The following RSKR variants were observed in gnomAD, a reference collection of about 807,000 sequenced individuals.
RSKR encodes ribosomal protein S6 kinase related, also known as ribosomal protein S6 kinase-related protein.
A neutral mutation model predicts 56.8 loss-of-function variants in RSKR; 44 were observed. The ratio of observed to expected loss-of-function variants is 0.77; its 90% CI spans 0.61 to 1.00. The LOEUF (loss-of-function observed/expected upper bound fraction) is 1.00, where lower values mean the gene tolerates loss of function less well. Ranked by LOEUF, RSKR falls within the 50% of genes least tolerant of loss-of-function variation. The probability of loss-of-function intolerance (pLI) is 0.00; values close to 1 mark genes in which losing one functional copy is unlikely to be tolerated. For missense variants in RSKR, 510 were observed against 506.9 expected, an observed-to-expected ratio of 1.01 and a Z score of -0.06; for synonymous variants, 181 against 188.0, an observed-to-expected ratio of 0.96 and a Z score of 0.30.
Position 28,613,417 on chromosome 17 carries a change from A to C in RSKR, c.324+23T>G, listed in dbSNP as rs529224194. The C allele has an allele frequency of 2.5e-6, 4 of 1,613,914 alleles. No homozygotes were observed. In the African/African-American group the frequency reaches 5.3e-5, roughly 22 times the overall value. On this transcript the variant is annotated intron_variant, in intron 2 of 11. Coordinates refer to ENST00000301037, the MANE Select transcript of RSKR (RefSeq NM_001174103.2). ...AACTTCTCCCAAAGACTGAGACCCC[A>C]CTCAGGGATTCCACTGACTTACCTT... is the stretch of plus-strand genomic sequence containing the variant.
At position 28,610,430 on chromosome 17, in the gene RSKR, T is replaced by C; in HGVS notation, c.*48A>G. The C allele has an allele frequency of 6.8e-7, 1 of 1,479,510 alleles. No homozygotes were observed. Among genetic ancestry groups the C allele is most frequent in the Non-Finnish European group, 9.1e-7 (1 of 1,096,400 alleles). 91.6% of individuals were successfully genotyped at this position (1,479,510 alleles called of 1,614,324 possible). A position where few individuals can be genotyped will look rare whatever the true frequency, so the allele number is the denominator to read the frequency against. On this transcript the variant is annotated 3_prime_UTR_variant, in exon 12 of 12. Transcript: ENST00000301037. ...GGTGGTCATACTGAGTAGGCAGGGA[T>C]GGAGATCTTCAGGCTCCCAGCCGGG... is the stretch of plus-strand genomic sequence containing the variant.
rs1489214434 is a variant in RSKR, at chr17:28,613,574, G to C, written c.190C>G (p.Leu64Val). 1.2e-6 allele frequency: 2 copies of C among 1,614,220 alleles called. No individual in the cohort carries two copies. The highest frequency in any genetic ancestry group is 4.5e-5 in the East Asian group (2 of 44,882). Reference protein sequence around the residue: ...ELWELRGHHYLHQESLKPAPV... With the variant: ...ELWELRGHHYVHQESLKPAPV... ...GCTGGCTTTAGGGATTCCTGGTGCA[G>C]ATAGTGGTGCCCCCGTAGTTCCCAG... is the stretch of plus-strand genomic sequence containing the variant. Residue 64 changes from leucine (L) to valine (V), a missense_variant, in exon 2 of 12, where the codon CTG (leucine) becomes GTG (valine). By Grantham distance (32) the Leu-to-Val change is conservative. Transcript: ENST00000301037.
In RSKR at chr17:28,608,375, A is replaced by T. The variant is rs2070770393; in HGVS notation, c.*2103T>A. ...AGCAATTAAATTTATTTTTTTCCTG[A>T]GACAAGATCTCACTCTGTTGCTCAG... On this transcript the variant is annotated 3_prime_UTR_variant, in exon 12 of 12. Coordinates refer to ENST00000301037, the MANE Select transcript of RSKR (RefSeq NM_001174103.2). The T allele has an allele frequency of 6.6e-6, 1 of 152,162 alleles. No homozygotes were observed. Among genetic ancestry groups the T allele is most frequent in the Non-Finnish European group, 1.5e-5 (1 of 68,018 alleles). 9.4% of individuals were successfully genotyped at this position (152,162 alleles called of 1,614,324 possible).
At chr17:28,612,452 G>A in intron 5 of RSKR, 86 bp from the exon 6 acceptor site, 2 of 1,453,652 alleles carry the variant, frequency 1.4e-6, no homozygotes, top group Non-Finnish European at 1.9e-6. Flanking sequence ...AGGCATTGTA[G>A]GCCTCCTGCC....
Position 28,612,073 on chromosome 17 carries a change from C to T in RSKR, c.664G>A (p.Asp222Asn), listed in dbSNP as rs538176815. Residue 222 changes from aspartate to asparagine, a missense_variant, in exon 7 of 12, where the codon GAC (aspartate) becomes AAC (asparagine). Transcript: ENST00000301037. ...ELVLVLCYLH[D>N]LGIMHRDVKM... ...ACATCTCGATGCATGATGCCCAAGTCATGGAGATAACCTGTGGATAACAAG... is the reference window on the plus strand; with the variant it reads ...ACATCTCGATGCATGATGCCCAAGTTATGGAGATAACCTGTGGATAACAAG... The T allele has an allele frequency of 6.2e-7, 1 of 1,614,204 alleles. No homozygotes were observed. Among genetic ancestry groups the T allele is most frequent in the African/African-American group, 1.3e-5 (1 of 75,072 alleles).
At position 28,610,300 on chromosome 17, in the gene RSKR, A is replaced by G. The variant is rs886705440; in HGVS notation, c.*178T>C. 3.3e-6 allele frequency: 2 copies of G among 612,144 alleles called. No homozygotes were observed. The highest frequency in any genetic ancestry group is 5.7e-6 in the Non-Finnish European group (2 of 349,020). The allele number at this position is 612,144 out of a possible 1,614,324, so 37.9% of individuals were successfully genotyped here. A position where few individuals can be genotyped will look rare whatever the true frequency, so the allele number is the denominator to read the frequency against. On this transcript the variant is annotated 3_prime_UTR_variant, in exon 12 of 12. Coordinates refer to ENST00000301037, the MANE Select transcript of RSKR (RefSeq NM_001174103.2). ...TGTATGATAGGGAAGGAATAGGGCCAGCTGTGGCTGCCAGTAGCAGAATGT... is the reference window on the plus strand; with the variant it reads ...TGTATGATAGGGAAGGAATAGGGCCGGCTGTGGCTGCCAGTAGCAGAATGT...
At position 28,613,424 on chromosome 17, in the gene RSKR, G is replaced by C; in HGVS notation, c.324+16C>G. The C allele has an allele frequency of 6.2e-7, 1 of 1,614,188 alleles. No homozygotes were observed. The highest frequency in any genetic ancestry group is 8.5e-7 in the Non-Finnish European group (1 of 1,180,022). On this transcript the variant is annotated intron_variant, in intron 2 of 11. Coordinates refer to ENST00000301037, the MANE Select transcript of RSKR (RefSeq NM_001174103.2). ...CCCAAAGACTGAGACCCCACTCAGG[G>C]ATTCCACTGACTTACCTTCAGCTGC...
intron 5 of RSKR, 88 bp downstream of exon 5, chr17:28,612,530 C>A: frequency 1.3e-6 from 2 of 1,482,264 alleles, no homozygotes; most frequent in Non-Finnish European, 1.9e-6. Flanking sequence ...GGGGACAGAG[C>A]AAAGGCAGAA....
rs79505837 is a variant in RSKR, at chr17:28,612,022, G to A, written c.693+22C>T. 218 of 1,613,984 alleles carry A rather than the reference G, an allele frequency of 1.4e-4. 2 individuals are homozygous for A. In the East Asian group the frequency reaches 4.8e-3, roughly 35 times the overall value. On this transcript the variant is annotated intron_variant, in intron 7 of 11. Coordinates refer to ENST00000301037, the MANE Select transcript of RSKR (RefSeq NM_001174103.2). ...TATTGAGACTCTTTCTCAGACAAAG[G>A]GAAAAAAGCACTTAACTCTACCTTC... is the stretch of plus-strand genomic sequence containing the variant.
rs1392870701 is a variant in RSKR at position 28,611,184 on chromosome 17, G to A, written c.970C>T (p.Pro324Ser). 2 of 1,536,272 alleles carry A rather than the reference G, an allele frequency of 1.3e-6. No homozygotes were observed. The highest frequency in any genetic ancestry group is 1.7e-6 in the Non-Finnish European group (2 of 1,146,886). Residue 324 changes from proline to serine, a missense_variant, in exon 11 of 12, where the codon CCA (proline) becomes TCA (serine). Coordinates refer to ENST00000301037, the MANE Select transcript of RSKR (RefSeq NM_001174103.2). The stretch of plus-strand genomic sequence containing the variant: ...GAGAGGCCCTGGTTAAGAGAAGCTG[G>A]GATCTCAGAGTCACTGTGGGTCACA... ...ASVTHSDSEI[P>S]ASLNQGLSLL... is the part of the protein sequence containing the mutation.
At chr17:28,612,993 C>G (rs972780263) in intron 4 of RSKR, 85 bp downstream of exon 4, 1 of 1,417,592 alleles carries the variant, frequency 7.1e-7, no homozygotes, top group African/African-American at 1.4e-5. Context: ...GAGGCAGAAC[C>G]AGGAAAAGAA....
rs374395691 is a variant in RSKR at position 28,612,214 on chromosome 17, C to T, written c.652+48G>A. 108 of 1,602,732 alleles carry T rather than the reference C, an allele frequency of 6.7e-5. No homozygotes were observed. In the Middle Eastern group the frequency reaches 9.9e-4, roughly 15 times the overall value. Reference sequence around the variant, plus strand: ...TATTAATTTTTTACTCTCCTTCTTCCGAACTTAAATCTTCCCTCCCCATTT... The same window carrying T: ...TATTAATTTTTTACTCTCCTTCTTCTGAACTTAAATCTTCCCTCCCCATTT... On this transcript the variant is annotated intron_variant, in intron 6 of 11. Coordinates refer to ENST00000301037, the MANE Select transcript of RSKR (RefSeq NM_001174103.2).
rs763711196 is a variant in RSKR, at chr17:28,613,166, A to G, written c.409-20T>C. 3 of 1,613,554 alleles carry G rather than the reference A, an allele frequency of 1.9e-6. No individual in the cohort carries two copies. The highest frequency in any genetic ancestry group is 2.2e-5 in the South Asian group (2 of 91,064). On this transcript the variant is annotated intron_variant, in intron 3 of 11. Transcript: ENST00000301037. ...CACCACCTATAAAAGGAGAGTAGTG[A>G]TGACTCATAGATAGTGCTATTGAAT...
chr17:28,611,711 T>A, intron 8 of RSKR, 55 bp from the exon 9 acceptor site: 2 of 1,613,760 alleles, frequency 1.2e-6, no homozygotes, highest in Non-Finnish European at 1.7e-6. Context: ...TCAGCCATGA[T>A]TTATTCCCAA....
intron 11 of RSKR, 102 bp downstream of exon 11, chr17:28,611,041 C>T: frequency 9.2e-7 from 1 of 1,088,954 alleles, no homozygotes; most frequent in Non-Finnish European, 1.3e-6. Flanking sequence ...TTGGAGCCCC[C>T]TCAAAAAAAC....
rs561380665 is a variant in RSKR at position 28,609,164 on chromosome 17, G to C, written c.*1314C>G. On this transcript the variant is annotated 3_prime_UTR_variant, in exon 12 of 12. Transcript: ENST00000301037. ...AGCAGTTCTCCTGCTTCAGCCTTCT[G>C]AGTAGCTGGGACTACAGGTGTGCAA... 1 of 147,930 alleles carries C rather than the reference G, an allele frequency of 6.8e-6. No homozygotes were observed. Among genetic ancestry groups the C allele is most frequent in the South Asian group, 2.1e-4 (1 of 4,716 alleles). 9.2% of individuals were successfully genotyped at this position (147,930 alleles called of 1,614,324 possible). A position where few individuals can be genotyped will look rare whatever the true frequency, so the allele number is the denominator to read the frequency against.
At position 28,613,456 on chromosome 17, in the gene RSKR, C is replaced by A. The variant is rs774036839; in HGVS notation, c.308G>T (p.Gly103Val). 2 of 1,614,194 alleles carry A rather than the reference C, an allele frequency of 1.2e-6. No individual in the cohort carries two copies. Among genetic ancestry groups the A allele is most frequent in the South Asian group, 2.2e-5 (2 of 91,086 alleles). Reference sequence around the variant, plus strand: ...CTGACTTACCTTCAGCTGCTGCTGCCCCCTAATGGGCCTAATGGGAAACTC... The same window carrying A: ...CTGACTTACCTTCAGCTGCTGCTGCACCCTAATGGGCCTAATGGGAAACTC... ...LPEFPIRPIRGQQQLKILGLV... is the reference protein window; with the variant it reads ...LPEFPIRPIRVQQQLKILGLV... Residue 103 changes from glycine (G) to valine (V), a missense_variant, in exon 2 of 12, where the codon GGG (glycine) becomes GTG (valine). By Grantham distance (109) the Gly-to-Val change is moderately radical. Transcript: ENST00000301037.
At chr17:28,612,924 A>G in intron 4 of RSKR, 154 bp downstream of exon 4, 1 of 849,226 alleles carries the variant, frequency 1.2e-6, no homozygotes, top group Non-Finnish European at 1.9e-6. Flanking sequence ...AACTGTGTTG[A>G]GAGCTGATAC....
At chr17:28,613,710 C>CTA (rs2070862850) in intron 1 of RSKR, 22 bp from the exon 2 acceptor site, 2 of 1,612,376 alleles carry the variant, frequency 1.2e-6, no homozygotes, top group Non-Finnish European at 1.7e-6. Flanking sequence ...GGGAGCCACT[C>CTA]TAAACTTTCT....
Sources: allele counts gnomAD v4.1 joint callset, GRCh38; gene constraint gnomAD v4.1.1; transcripts MANE v1.5; gene names NCBI Gene and HGNC (gene_info 2026-07-23, HGNC 2026-07-21).